The following CEP112 variants were observed in gnomAD, a reference collection of about 807,000 sequenced individuals.
CEP112 encodes centrosomal protein of 112 kDa.
CEP112 carries 127 observed loss-of-function variants against 153.0 expected under a neutral mutation model. The ratio of observed to expected loss-of-function variants is 0.83; its 90% confidence interval spans 0.72 to 0.96. CEP112 has a LOEUF of 0.96. CEP112 is among the 40% of genes least tolerant of loss of function. CEP112 has a pLI of 0.00. For missense variants in CEP112, 1,089 were observed against 1,101.2 expected (o/e 0.99, Z 0.16); for synonymous variants, 358 against 374.4 (o/e 0.96, Z 0.51).
At chr17:65,915,044 C>A (rs1432732786) in intron 19 of CEP112, among the ~76,000 whole-genome samples, 2 of 152,184 alleles carry the variant, frequency 1.3e-5, no homozygotes, top group Admixed American at 1.3e-4. Context: ...ACACTGCACA[C>A]GGCTTATGGG....
At chr17:65,821,113 GAA>G (rs58515818) in intron 21 of CEP112, among the ~76,000 whole-genome samples, 3 of 146,468 alleles carry the variant, frequency 2.0e-5, no homozygotes, top group East Asian at 2.0e-4. Flanking sequence ...AATACATTCT[GAA>G]AAAAAAAAAC....
At chr17:65,949,401 T>C (rs1292556913) in intron 18 of CEP112, among the ~76,000 whole-genome samples, 1 of 152,150 alleles carries the variant, frequency 6.6e-6, no homozygotes, top group Non-Finnish European at 1.5e-5. Flanking sequence ...TGTTCATGGG[T>C]TGCTGTTACT....
chr17:65,636,810 C>G, intron 26 of CEP112: 1 of 258,790 alleles, frequency 3.9e-6, no homozygotes, highest in Non-Finnish European at 7.3e-6. Context: ...CAACGTTTTA[C>G]CAAGTTGGCC....
At chr17:66,060,267 C>G (rs2066873043) in intron 11 of CEP112, among the ~76,000 whole-genome samples, 1 of 152,082 alleles carries the variant, frequency 6.6e-6, no homozygotes, top group Non-Finnish European at 1.5e-5. Flanking sequence ...TGCACATCTA[C>G]CCTCTGAATC....
At chr17:65,971,120 T>C (rs548815871) in intron 17 of CEP112, among the ~76,000 whole-genome samples, 1 of 152,290 alleles carries the variant, frequency 6.6e-6, no homozygotes, top group East Asian at 1.9e-4. Context: ...GTTCCTTGCG[T>C]GTATGAGATT....
chr17:65,743,982 C>T (rs1474384455), intron 22 of CEP112, among the ~76,000 whole-genome samples: 9 of 151,974 alleles, frequency 5.9e-5, no homozygotes, highest in African/African-American at 1.7e-4. Flanking sequence ...AGGCTGGTCT[C>T]GAACTCCTGA....
At chr17:65,970,997 G>A (rs2062745071) in intron 17 of CEP112, among the ~76,000 whole-genome samples, 1 of 152,082 alleles carries the variant, frequency 6.6e-6, no homozygotes, top group African/African-American at 2.4e-5. Context: ...CTTTGTAAAG[G>A]GCTTCTTATT....
At chr17:66,176,100 T>C (rs1340152796) in intron 3 of CEP112, among the ~76,000 whole-genome samples, 1 of 152,224 alleles carries the variant, frequency 6.6e-6, no homozygotes, top group Non-Finnish European at 1.5e-5. Flanking sequence ...AGCGTGCCAC[T>C]TGACTAAATT....
At chr17:66,005,652 G>T in intron 17 of CEP112, 38 bp downstream of exon 17, 2 of 1,590,610 alleles carry the variant, frequency 1.3e-6, no homozygotes, top group South Asian at 2.3e-5. Context: ...GTTTAATAAA[G>T]GGTAGTTTTA....
At chr17:66,053,945 G>GA (rs1568436998) in intron 11 of CEP112, 66 bp from the exon 12 acceptor site, 2 of 1,342,244 alleles carry the variant, frequency 1.5e-6, no homozygotes, top group Non-Finnish European at 2.0e-6. Context: ...TAATTCAGCG[G>GA]AAAAAATGGT....
intron 12 of CEP112, among the ~76,000 whole-genome samples, chr17:66,033,521 G>A (rs1374413049): frequency 1.3e-5 from 2 of 152,108 alleles, no homozygotes; most frequent in African/African-American, 4.8e-5. Context: ...CCTCCATGCT[G>A]TTTCTCAAAG....
chr17:65,754,123 G>C (rs4791134), intron 21 of CEP112, among the ~76,000 whole-genome samples: 1 of 151,988 alleles, frequency 6.6e-6, no homozygotes, highest in Non-Finnish European at 1.5e-5. Flanking sequence ...GAAAGAGAGA[G>C]AGGAAGTGAT....
At chr17:65,902,880 A>C (rs1280309193) in intron 19 of CEP112, among the ~76,000 whole-genome samples, 1 of 152,174 alleles carries the variant, frequency 6.6e-6, no homozygotes, top group Admixed American at 6.5e-5. Flanking sequence ...TATGTGTTCC[A>C]GAAGGGCACC....
intron 17 of CEP112, among the ~76,000 whole-genome samples, chr17:65,988,239 G>C (rs1056249486): frequency 5.9e-5 from 9 of 152,146 alleles, no homozygotes; most frequent in Admixed American, 3.9e-4. Flanking sequence ...GATCTAGCGA[G>C]ATAAGAAAGA....
chr17:66,072,262 T>C (rs1268018932), intron 8 of CEP112, among the ~76,000 whole-genome samples: 2 of 152,146 alleles, frequency 1.3e-5, no homozygotes, highest in South Asian at 2.1e-4. Context: ...AACCAAAGCG[T>C]GGTTATCAAA....
intron 8 of CEP112, among the ~76,000 whole-genome samples, chr17:66,089,333 G>A (rs1271538400): frequency 1.3e-5 from 2 of 152,100 alleles, no homozygotes; most frequent in East Asian, 3.9e-4. Context: ...TCTCCCAATA[G>A]CTGACCCCAA....
At chr17:65,891,066 T>C (rs935361599) in intron 20 of CEP112, among the ~76,000 whole-genome samples, 1 of 152,150 alleles carries the variant, frequency 6.6e-6, no homozygotes, top group Non-Finnish European at 1.5e-5. Context: ...ATTCCTTTTT[T>C]ATATACGTAG....
At chr17:65,678,031 T>TA (rs36086543) in intron 24 of CEP112, among the ~76,000 whole-genome samples, 30,500 of 151,904 alleles carry the variant, frequency 0.2, 3,874 homozygotes, top group Middle Eastern at 0.37. Context: ...TGGACTATAG[T>TA]AAAAAAAAGG....
chr17:65,927,583 T>G lies in CEP112; in HGVS notation c.1979A>C (p.Gln660Pro), dbSNP rs1412059644. The stretch of plus-strand genomic sequence containing the variant: ...GCAGCATCAAAATGAAAGACCAACC[T>G]GTTGTTCATACCGCTGTCTGATGTC... ...LEDIRQRYEQ[Q>P]IVELKLEHEQ... The change falls in exon 19 of 27, where the codon CAG (glutamine) becomes CCG (proline). Residue 660 changes from glutamine (Q) to proline (P), a missense_variant and splice_region_variant. Physicochemically the swap from Gln to Pro is moderately conservative, Grantham distance 76 (BLOSUM62 -1). Coordinates refer to ENST00000535342, the MANE Select transcript of CEP112 (RefSeq NM_001199165.4). 3.8e-6 allele frequency: 6 copies of G among 1,563,160 alleles called. No homozygotes were observed. Among genetic ancestry groups the G allele is most frequent in the Non-Finnish European group, 1.7e-6 (2 of 1,154,304 alleles).
Sources: allele counts gnomAD v4.1 joint callset (sites outside exome capture counted in the v4.1 genomes callset), GRCh38; gene constraint gnomAD v4.1.1; transcripts MANE v1.5; gene names NCBI Gene and HGNC (gene_info 2026-07-23, HGNC 2026-07-21).